ADAM12: variants seen among roughly 807,000 people sequenced by gnomAD.
The protein encoded by ADAM12 is ADAM metallopeptidase domain 12.
ADAM12 carries 70 observed loss-of-function variants against 106.4 expected under a neutral mutation model. The ratio of observed to expected loss-of-function variants is 0.66; its 90% CI spans 0.54 to 0.80. The LOEUF is 0.80. Among genes scored for constraint, ADAM12 ranks in the 30% least tolerant of loss-of-function variants. ADAM12 has a pLI of 0.00. For missense variants in ADAM12, 1,010 were observed against 1,171.9 expected, an observed-to-expected ratio of 0.86 and a Z score of 2.02; for synonymous variants, 420 against 433.5, an observed-to-expected ratio of 0.97 and a Z score of 0.39.
chr10:126,032,271 C>T (rs1402913154), intron 21 of ADAM12, among the ~76,000 whole-genome samples: 1 of 152,138 alleles, frequency 6.6e-6, no homozygotes, highest in Non-Finnish European at 1.5e-5. Flanking sequence ...ATTTGTGCTG[C>T]CAAACAAGAG....
rs571795320 is a variant in ADAM12 at position 126,157,008 on chromosome 10, C to T, written c.261-1703G>A. The stretch of plus-strand genomic sequence containing the variant: ...GGAAGACACTCTCCACTCTTCACAC[C>T]GTTTGGTTTTGTGTGTGTGTGTGTG... On this transcript the variant is annotated intron_variant, in intron 3 of 22. Coordinates refer to ENST00000448723, the MANE Select transcript of ADAM12 (RefSeq NM_001288973.2). 3.4e-5 allele frequency among the ~76,000 whole-genome samples: 5 copies of T among 146,194 alleles called. No individual in the cohort carries two copies. The South Asian group carries it at 7.4e-4, about 22-fold the overall frequency.
intron 3 of ADAM12, among the ~76,000 whole-genome samples, chr10:126,193,008 G>A (rs1293631757): frequency 6.6e-6 from 1 of 152,148 alleles, no homozygotes; most frequent in Non-Finnish European, 1.5e-5. Context: ...GCTCATGCCT[G>A]TAATCCCAGC....
chr10:126,137,644 C>T (rs1441894677), intron 4 of ADAM12, among the ~76,000 whole-genome samples: 4 of 152,152 alleles, frequency 2.6e-5, no homozygotes, highest in Non-Finnish European at 5.9e-5. Flanking sequence ...ACAATAAGTG[C>T]CTTTTGTGAC....
intron 3 of ADAM12, among the ~76,000 whole-genome samples, chr10:126,176,442 A>G (rs929396487): frequency 2.0e-5 from 3 of 152,266 alleles, no homozygotes; most frequent in Admixed American, 2.0e-4. Flanking sequence ...CATTTTAAAT[A>G]AAGACACTAG....
At chr10:126,201,024 G>A (rs749872720) in intron 3 of ADAM12, among the ~76,000 whole-genome samples, 1 of 152,166 alleles carries the variant, frequency 6.6e-6, no homozygotes, top group Non-Finnish European at 1.5e-5. Flanking sequence ...CTAGAAAGGT[G>A]GGGTTGTCCA....
chr10:126,017,191 A>G lies in ADAM12; in HGVS notation c.*88T>C, dbSNP rs952172143. On this transcript the variant is annotated 3_prime_UTR_variant, in exon 23 of 23. Coordinates refer to ENST00000448723, the MANE Select transcript of ADAM12 (RefSeq NM_001288973.2). ...AATGATGTTTTAAACATTAAAAAAA[A>G]TCCTAAAAGTTGGTACAAAAAACTC... 1.2e-5 allele frequency: 15 copies of G among 1,234,966 alleles called. No individual in the cohort carries two copies. In the Admixed American group the frequency reaches 2.0e-4, roughly 16 times the overall value. The allele number at this position is 1,234,966 out of a possible 1,614,324, so 76.5% of individuals were successfully genotyped here.
chr10:126,344,237 T>C (rs529528840), intron 1 of ADAM12, among the ~76,000 whole-genome samples: 7 of 152,324 alleles, frequency 4.6e-5, no homozygotes, highest in African/African-American at 1.7e-4. Flanking sequence ...GCTTTCTACA[T>C]ATGGCTAGCC....
At chr10:126,121,102 T>TAGTATATAGTGTATATAG (rs1956085542) in intron 5 of ADAM12, among the ~76,000 whole-genome samples, 1 of 40,340 alleles carries the variant, frequency 2.5e-5, no homozygotes, top group Non-Finnish European at 4.5e-5. Context: ...ATATACTATA[T>TAGTATATAGTGTATATAG]TATATATAGT....
At chr10:126,312,457 C>G (rs553921063) in intron 2 of ADAM12, among the ~76,000 whole-genome samples, 1 of 152,168 alleles carries the variant, frequency 6.6e-6, no homozygotes, top group South Asian at 2.1e-4. Context: ...CTTCAACAAA[C>G]CAAACACAAG....
At chr10:126,186,783 G>A (rs981188648) in intron 3 of ADAM12, among the ~76,000 whole-genome samples, 5 of 152,250 alleles carry the variant, frequency 3.3e-5, no homozygotes, top group Non-Finnish European at 5.9e-5. Context: ...ATGCATCGCG[G>A]ATGGACAGAA....
intron 4 of ADAM12, among the ~76,000 whole-genome samples, chr10:126,140,201 G>T (rs1372033748): frequency 6.6e-6 from 1 of 152,172 alleles, no homozygotes; most frequent in African/African-American, 2.4e-5. Context: ...CCCCATTTTA[G>T]AGGAATGTGA....
At chr10:126,267,989 T>A (rs1480232723) in intron 3 of ADAM12, among the ~76,000 whole-genome samples, 2 of 152,156 alleles carry the variant, frequency 1.3e-5, no homozygotes, top group Non-Finnish European at 1.5e-5. Context: ...AATTTATAAT[T>A]TTAACCATTT....
At chr10:126,235,462 G>A (rs879938133) in intron 3 of ADAM12, among the ~76,000 whole-genome samples, 7 of 152,190 alleles carry the variant, frequency 4.6e-5, no homozygotes, top group East Asian at 3.9e-4. Flanking sequence ...GCTCCAAGTC[G>A]GGCCCCTGGG....
At chr10:126,152,104 G>A (rs1170752934) in intron 4 of ADAM12, among the ~76,000 whole-genome samples, 1 of 148,984 alleles carries the variant, frequency 6.7e-6, no homozygotes, top group Non-Finnish European at 1.5e-5. Context: ...CTCCCACTCT[G>A]TGAATGTGTC....
At chr10:126,347,924 G>C (rs879829928) in intron 1 of ADAM12, among the ~76,000 whole-genome samples, 19 of 152,150 alleles carry the variant, frequency 1.2e-4, no homozygotes, top group South Asian at 2.1e-4. Context: ...CTCAGAAATG[G>C]GGTACCAATG....
intron 3 of ADAM12, among the ~76,000 whole-genome samples, chr10:126,277,540 T>C (rs1398168339): frequency 3.3e-5 from 5 of 152,146 alleles, no homozygotes; most frequent in African/African-American, 1.2e-4. Flanking sequence ...TTCAAAACCA[T>C]ACCTAAAAAT....
intron 5 of ADAM12, among the ~76,000 whole-genome samples, chr10:126,132,345 C>T (rs892960202): frequency 1.3e-5 from 2 of 152,226 alleles, no homozygotes; most frequent in African/African-American, 4.8e-5. Context: ...GCCTTCAACA[C>T]ATGACCTTTG....
At chr10:126,307,532 T>C (rs1252567065) in intron 2 of ADAM12, among the ~76,000 whole-genome samples, 1 of 152,046 alleles carries the variant, frequency 6.6e-6, no homozygotes, top group Non-Finnish European at 1.5e-5. Flanking sequence ...TTTGTATTTT[T>C]TTCTTTTCTT....
chr10:126,121,508 GAAAATTATATATTAT>G lies in ADAM12; in HGVS notation c.417-3299_417-3285del, dbSNP rs1362306360. On this transcript the variant is annotated intron_variant, in intron 5 of 22. Coordinates refer to ENST00000448723, the MANE Select transcript of ADAM12 (RefSeq NM_001288973.2). ...ATATGTAACAATATATAATATAATA[GAAAATTATATATTAT>G]ATAATTATATAATAATATATAATCT... Among the ~76,000 whole-genome samples the G allele has an allele frequency of 1.6e-3, 189 of 117,604 alleles. 1 individual carries two copies. The East Asian group carries it at 0.038, about 24-fold the overall frequency. The allele number at this position is 117,604 out of a possible 152,430, so 77.2% of individuals were successfully genotyped here. A position where few individuals can be genotyped will look rare whatever the true frequency, so the allele number is the denominator to read the frequency against.
Sources: gnomAD v4.1 joint callset for allele counts (sites outside exome capture counted in the v4.1 genomes callset) on GRCh38, gnomAD v4.1.1 for gene constraint, MANE v1.5 for transcripts, NCBI Gene and HGNC (gene_info 2026-07-23, HGNC 2026-07-21) for gene names.